SCRN3: variants seen among roughly 807,000 people sequenced by gnomAD.
SCRN3 encodes secernin-3.
In SCRN3, 39 loss-of-function variants were observed where a neutral mutation model predicts 43.1. The observed-to-expected ratio is 0.91, with a 90% CI of 0.70 to 1.18. The LOEUF is 1.18. Ranked by LOEUF, SCRN3 falls within the 50% of genes most tolerant of loss-of-function variation. SCRN3 has a pLI of 0.00. For missense variants in SCRN3, 484 were observed against 498.0 expected (o/e 0.97, Z 0.27); for synonymous variants, 147 against 163.1 (o/e 0.90, Z 0.75).
intron 6 of SCRN3, 86 bp from the exon 7 acceptor site, chr2:174,424,389 A>C (rs1385562781): frequency 1.0e-6 from 1 of 976,620 alleles, no homozygotes; most frequent in African/African-American, 1.7e-5. Flanking sequence ...AGAAACTTCT[A>C]ATTGAGAGAA....
intron 1 of SCRN3, 58 bp downstream of exon 1, chr2:174,395,875 C>G: frequency 6.9e-7 from 1 of 1,450,060 alleles, no homozygotes; most frequent in Admixed American, 2.9e-5. Flanking sequence ...CCGGAAGACC[C>G]AACTGTGGCG....
chr2:174,414,944 T>C (rs1026913043), intron 5 of SCRN3, among the ~76,000 whole-genome samples: 2 of 151,936 alleles, frequency 1.3e-5, no homozygotes, highest in African/African-American at 4.8e-5. Context: ...TTTTATTTTT[T>C]GTAGAGATGG....
intron 5 of SCRN3, chr2:174,410,272 C>G (rs1685866058): frequency 6.6e-6 from 1 of 150,786 alleles, no homozygotes; most frequent in Non-Finnish European, 1.5e-5. Flanking sequence ...AACTCCCTGA[C>G]CCCTTGCGCT....
intron 6 of SCRN3, 100 bp downstream of exon 6, chr2:174,423,147 C>A: frequency 1.2e-6 from 1 of 849,368 alleles, no homozygotes; most frequent in Non-Finnish European, 1.8e-6. Flanking sequence ...TGTTATACAA[C>A]TAGGACAATA....
Position 174,428,745 on chromosome 2 carries a change from G to A in SCRN3, c.*850G>A, listed in dbSNP as rs1376039794. ...ATTATAACATTTTGAACACTATAAT[G>A]CATTATATATTATGAACTTTTATGA... is the stretch of plus-strand genomic sequence containing the variant. On this transcript the variant is annotated 3_prime_UTR_variant, in exon 8 of 8. Transcript: ENST00000272732. The A allele has an allele frequency of 2.0e-5, 3 of 152,086 alleles. No individual in the cohort carries two copies. The highest frequency in any genetic ancestry group is 4.4e-5 in the Non-Finnish European group (3 of 68,000). The allele number at this position is 152,086 out of a possible 1,614,324, so 9.4% of individuals were successfully genotyped here.
chr2:174,424,341 A>T, intron 6 of SCRN3, 134 bp from the exon 7 acceptor site: 1 of 648,776 alleles, frequency 1.5e-6, no homozygotes, highest in Non-Finnish European at 2.6e-6. Flanking sequence ...GGGTATAACT[A>T]ATGTGACAGG....
At position 174,404,456 on chromosome 2, in the gene SCRN3, C is replaced by CT; in HGVS notation, c.754+142dup. On this transcript the variant is annotated intron_variant, in intron 5 of 7. Transcript: ENST00000272732. The stretch of plus-strand genomic sequence containing the variant: ...AAAATGAAAAATATTTATTATAAAC[C>CT]TATTTTTTTTTTATTATACTTTAAG... 6 of 573,406 alleles carry CT rather than the reference C, an allele frequency of 1.0e-5. No homozygotes were observed. The East Asian group carries it at 2.0e-4, about 19-fold the overall frequency. 35.5% of individuals were successfully genotyped at this position (573,406 alleles called of 1,614,324 possible). A position where few individuals can be genotyped will look rare whatever the true frequency, so the allele number is the denominator to read the frequency against.
chr2:174,427,770 G>A lies in SCRN3; in HGVS notation c.1150G>A (p.Glu384Lys), dbSNP rs779521977. The change falls in exon 8 of 8, where the codon GAG becomes AAG. Residue 384 changes from glutamate to lysine, a missense_variant. Coordinates refer to ENST00000272732, the MANE Select transcript of SCRN3 (RefSeq NM_024583.5). The part of the protein sequence containing the change: ...MRKLEKELFR[E>K]MESILQNKHL... Reference sequence around the variant, plus strand: ...GAAACTGGAGAAAGAACTATTCAGAGAGATGGAATCAATCCTTCAAAACAA... The same window carrying A: ...GAAACTGGAGAAAGAACTATTCAGAAAGATGGAATCAATCCTTCAAAACAA... 1.2e-5 allele frequency: 19 copies of A among 1,612,724 alleles called. No individual in the cohort carries two copies. Among genetic ancestry groups the A allele is most frequent in the Non-Finnish European group, 1.6e-5 (19 of 1,179,082 alleles).
Position 174,420,864 on chromosome 2 carries a change from A to G in SCRN3, c.755-2021A>G, listed in dbSNP as rs1686270539. On this transcript the variant is annotated intron_variant, in intron 5 of 7. Coordinates refer to ENST00000272732, the MANE Select transcript of SCRN3 (RefSeq NM_024583.5). ...TCACATACATAAGATTGGAGACTCAACAGGAAAGGGGAGAGAAAATAGGGA... is the reference window on the plus strand; with the variant it reads ...TCACATACATAAGATTGGAGACTCAGCAGGAAAGGGGAGAGAAAATAGGGA... 2.0e-5 allele frequency among the ~76,000 whole-genome samples: 3 copies of G among 152,188 alleles called. No individual in the cohort carries two copies. In the South Asian group the frequency reaches 6.2e-4, roughly 31 times the overall value.
At chr2:174,408,718 A>C (rs1222081305) in intron 5 of SCRN3, among the ~76,000 whole-genome samples, 3 of 137,972 alleles carry the variant, frequency 2.2e-5, no homozygotes, top group African/African-American at 8.0e-5. Context: ...TCACTTATGA[A>C]GCTTAGTTTG....
At chr2:174,405,614 C>T (rs1340159847) in intron 5 of SCRN3, among the ~76,000 whole-genome samples, 1 of 141,754 alleles carries the variant, frequency 7.1e-6, no homozygotes, top group African/African-American at 2.5e-5. Flanking sequence ...GTCTTTAATC[C>T]ATCTTGAATT....
chr2:174,424,725 T>G (rs1686424461), intron 7 of SCRN3, 76 bp downstream of exon 7: 96 of 1,078,454 alleles, frequency 8.9e-5, no homozygotes, highest in Non-Finnish European at 1.2e-4. Context: ...CTTTGGAGTA[T>G]CAGCTTTCCT....
At chr2:174,414,233 A>G (rs1686025870) in intron 5 of SCRN3, among the ~76,000 whole-genome samples, 1 of 152,186 alleles carries the variant, frequency 6.6e-6, no homozygotes, top group Non-Finnish European at 1.5e-5. Flanking sequence ...TTAATATTCT[A>G]TGATATTATT....
chr2:174,427,512 T>C (rs372335388), intron 7 of SCRN3, among the ~76,000 whole-genome samples: 2 of 152,264 alleles, frequency 1.3e-5, no homozygotes, highest in South Asian at 2.1e-4. Context: ...AATAATTTGG[T>C]ATTCATGCAT....
At chr2:174,405,667 C>T (rs1208205923) in intron 5 of SCRN3, among the ~76,000 whole-genome samples, 159 of 145,626 alleles carry the variant, frequency 1.1e-3, no homozygotes, top group African/African-American at 3.7e-3. Flanking sequence ...GTTTCAGCTT[C>T]CTACATATGG....
intron 1 of SCRN3, chr2:174,397,340 A>C (rs1685360270): frequency 1.0e-6 from 1 of 984,568 alleles, no homozygotes; most frequent in East Asian, 1.1e-4. Context: ...TGGCAGCAAA[A>C]TAAGGACCTT....
At chr2:174,401,297 G>A in intron 4 of SCRN3, 108 bp downstream of exon 4, 2 of 865,382 alleles carry the variant, frequency 2.3e-6, no homozygotes, top group South Asian at 3.7e-5. Context: ...CTAGTGTAAT[G>A]AAGGGTTGAA....
At chr2:174,415,319 A>G (rs2105604762) in intron 5 of SCRN3, among the ~76,000 whole-genome samples, 1 of 152,196 alleles carries the variant, frequency 6.6e-6, no homozygotes, top group East Asian at 1.9e-4. Flanking sequence ...CCTACTATGT[A>G]CCCACAAAGA....
chr2:174,398,185 A>G (rs1201261875), intron 1 of SCRN3, 90 bp from the exon 2 acceptor site: 3 of 745,316 alleles, frequency 4.0e-6, no homozygotes, highest in African/African-American at 3.7e-5. Context: ...TAGATATGGC[A>G]ATAATATCCT....
Sources: gnomAD v4.1 joint callset for allele counts (sites outside exome capture counted in the v4.1 genomes callset) on GRCh38, gnomAD v4.1.1 for gene constraint, MANE v1.5 for transcripts, NCBI Gene and HGNC (gene_info 2026-07-23, HGNC 2026-07-21) for gene names.